Variants in GSPT1 observed in about 807,000 individuals in gnomAD.
The protein encoded by GSPT1 is eukaryotic peptide chain release factor GTP-binding subunit ERF3A.
A neutral mutation model predicts 72.5 loss-of-function variants in GSPT1; 20 were observed. That is an observed-to-expected ratio of 0.28 (90% CI 0.19 to 0.40). The LOEUF (loss-of-function observed/expected upper bound fraction) is 0.40, where lower values mean the gene tolerates loss of function less well. GSPT1 is among the 10% of genes least tolerant of loss of function. The pLI is 1.00. For synonymous variants in GSPT1, 334 were observed against 293.5 expected, an observed-to-expected ratio of 1.14 and a Z score of -1.41; for missense variants, 580 against 811.9, an observed-to-expected ratio of 0.71 and a Z score of 3.47.
Position 11,912,285 on chromosome 16 carries a change from T to C in GSPT1, c.352+3084A>G, listed in dbSNP as rs1027272132. 3.1e-4 allele frequency among the ~76,000 whole-genome samples: 46 copies of C among 148,076 alleles called. 1 individual carries two copies. The highest frequency in any genetic ancestry group is 7.9e-4 in the East Asian group (4 of 5,048). ...ATTGCTTGAACCTGGGAGGAGGAGG[T>C]TGTAGTCAGCCGAGATCGTGCCATT... On this transcript the variant is annotated intron_variant, in intron 1 of 14. Transcript: ENST00000434724.
Position 11,915,900 on chromosome 16 carries a change from G to A in GSPT1, c.-180C>T. On this transcript the variant is annotated 5_prime_UTR_variant, in exon 1 of 15. Coordinates refer to ENST00000434724, the MANE Select transcript of GSPT1 (RefSeq NM_002094.4). Reference sequence around the variant, plus strand: ...GCTCCAGTCCCGACTCCACACTCGCGACGACGACAGAGGCGGCGGCGGCGG... The same window carrying A: ...GCTCCAGTCCCGACTCCACACTCGCAACGACGACAGAGGCGGCGGCGGCGG... 1.1e-6 allele frequency: 1 copy of A among 888,080 alleles called. No homozygotes were observed. The highest frequency in any genetic ancestry group is 1.9e-6 in the Non-Finnish European group (1 of 537,932). The allele number at this position is 888,080 out of a possible 1,614,324, so 55.0% of individuals were successfully genotyped here.
intron 1 of GSPT1, among the ~76,000 whole-genome samples, chr16:11,913,644 C>G (rs184080491): frequency 1.3e-5 from 2 of 152,088 alleles, no homozygotes; most frequent in Non-Finnish European, 2.9e-5. Flanking sequence ...GGTGGCTCCA[C>G]AGAAAGGAGG....
At chr16:11,916,216 G>A (rs1450450203), upstream of GSPT1, 3 of 344,552 alleles carry the variant, frequency 8.7e-6, no homozygotes, top group Non-Finnish European at 1.7e-5. Flanking sequence ...CCGGCTCCCG[G>A]CAGGCAACGC....
chr16:11,892,696 G>C (rs2054282434), intron 5 of GSPT1, among the ~76,000 whole-genome samples: 1 of 149,964 alleles, frequency 6.7e-6, no homozygotes, highest in Admixed American at 6.6e-5. Context: ...AGACGTGGTG[G>C]TGCATGCCTG....
In GSPT1 at chr16:11,877,545, A is replaced by G; in HGVS notation, c.1464T>C (p.Asp488=). 3 of 1,602,626 alleles carry G rather than the reference A, an allele frequency of 1.9e-6. No individual in the cohort carries two copies. The highest frequency in any genetic ancestry group is 2.5e-6 in the Non-Finnish European group (3 of 1,176,502). The part of the protein sequence containing the change: ...NVEVLGILSD[D]VETDTVAPGE... Reference sequence around the variant, plus strand: ...CTGGGGCTACGGTATCAGTCTCTACATCATCGGAAAGTATTCCAAGAACTT... The same window carrying G: ...CTGGGGCTACGGTATCAGTCTCTACGTCATCGGAAAGTATTCCAAGAACTT... The change falls in exon 12 of 15, where the codon GAT becomes GAC. Residue 488 remains aspartate, a synonymous_variant. Transcript: ENST00000434724. The surrounding 1 kb of genome is among the most constrained non-coding windows in gnomAD (Gnocchi z 4.0).
intron 11 of GSPT1, chr16:11,880,362 G>T (rs890282265): frequency 6.6e-6 from 1 of 152,152 alleles, no homozygotes; most frequent in African/African-American, 2.4e-5. Context: ...GATTATGTGG[G>T]AAATCTATGT....
At chr16:11,909,482 AG>A (rs1023633005) in intron 1 of GSPT1, among the ~76,000 whole-genome samples, 1 of 152,206 alleles carries the variant, frequency 6.6e-6, no homozygotes, top group Non-Finnish European at 1.5e-5. Flanking sequence ...TTTAAAACCA[AG>A]GGTAGAATGA....
chr16:11,887,311 C>T (rs2054197314), intron 7 of GSPT1, among the ~76,000 whole-genome samples: 1 of 152,042 alleles, frequency 6.6e-6, no homozygotes. Context: ...TAACGGTGGG[C>T]TTGGCATTTA....
intron 14 of GSPT1, among the ~76,000 whole-genome samples, chr16:11,875,146 G>T (rs962840970): frequency 2.0e-5 from 3 of 152,078 alleles, no homozygotes; most frequent in East Asian, 3.9e-4. Flanking sequence ...CCAAGATGGT[G>T]CCACTGCACT....
intron 1 of GSPT1, among the ~76,000 whole-genome samples, chr16:11,906,813 T>C (rs2054495879): frequency 1.3e-5 from 2 of 152,188 alleles, no homozygotes; most frequent in Non-Finnish European, 2.9e-5. Context: ...ACTTATCTGG[T>C]AAGATCACAT....
chr16:11,894,856 C>T, intron 5 of GSPT1, 98 bp downstream of exon 5: 1 of 705,576 alleles, frequency 1.4e-6, no homozygotes. Flanking sequence ...TTTGGGGGAC[C>T]TGTTTTATCT....
chr16:11,882,975 A>G, intron 11 of GSPT1, 40 bp downstream of exon 11: 1 of 1,334,892 alleles, frequency 7.5e-7, no homozygotes, highest in Non-Finnish European at 1.1e-6. Flanking sequence ...AAAGAAAAAA[A>G]ATCAATAAAT....
intron 6 of GSPT1, among the ~76,000 whole-genome samples, chr16:11,889,099 G>A (rs1464818980): frequency 3.3e-5 from 5 of 152,034 alleles, no homozygotes; most frequent in African/African-American, 4.8e-5. Flanking sequence ...ACAAGGTCAG[G>A]AGATTGAGAC....
chr16:11,868,359 G>GTTT lies in GSPT1; in HGVS notation c.*4757_*4759dup, dbSNP rs776799904. On this transcript the variant is annotated 3_prime_UTR_variant, in exon 15 of 15. Transcript: ENST00000434724. ...AACCTGATCAGTTCCCTTTAATCCTGTTTTTTTTTTTTTTTTTTAAATGAG... is the reference window on the plus strand; with the variant it reads ...AACCTGATCAGTTCCCTTTAATCCTGTTTTTTTTTTTTTTTTTTTTTAAATGAG... The GTTT allele has an allele frequency of 8.0e-3, 1,111 of 138,376 alleles. 12 individuals are homozygous for GTTT. Among genetic ancestry groups the GTTT allele is most frequent in the African/African-American group, 0.021 (796 of 37,422 alleles). The allele number at this position is 138,376 out of a possible 1,614,324, so 8.6% of individuals were successfully genotyped here. A position where few individuals can be genotyped will look rare whatever the true frequency, so the allele number is the denominator to read the frequency against.
At chr16:11,894,901 A>C in intron 5 of GSPT1, 53 bp downstream of exon 5, 1 of 1,175,612 alleles carries the variant, frequency 8.5e-7, no homozygotes, top group East Asian at 2.5e-5. Context: ...TACAATGCCT[A>C]AAATTCATTA....
chr16:11,875,286 C>A (rs2054033824), intron 14 of GSPT1, among the ~76,000 whole-genome samples: 1 of 152,116 alleles, frequency 6.6e-6, no homozygotes. Flanking sequence ...TCATAACAAT[C>A]ATTTTGTTTT....
chr16:11,914,845 G>C, intron 1 of GSPT1: 1 of 416,858 alleles, frequency 2.4e-6, no homozygotes, highest in South Asian at 2.0e-5. Context: ...CTTCAGGACG[G>C]TTGGGGGCCA....
At chr16:11,913,202 C>A (rs1306266867) in intron 1 of GSPT1, among the ~76,000 whole-genome samples, 1 of 152,194 alleles carries the variant, frequency 6.6e-6, no homozygotes. Context: ...ACTTAATAGT[C>A]TGGAACATGC....
Position 11,907,887 on chromosome 16 carries a change from C to T in GSPT1, c.352+7482G>A, listed in dbSNP as rs538768007. Among the ~76,000 whole-genome samples the T allele has an allele frequency of 3.1e-4, 47 of 152,328 alleles. No individual in the cohort carries two copies. In the South Asian group the frequency reaches 9.7e-3, roughly 32 times the overall value. On this transcript the variant is annotated intron_variant, in intron 1 of 14. Coordinates refer to ENST00000434724, the MANE Select transcript of GSPT1 (RefSeq NM_002094.4). ...GACTTTGCATAGAGTAACTAAAATT[C>T]CATTATGTTTTTCAAACAACCCTGA...
Sources: allele counts gnomAD v4.1 joint callset (sites outside exome capture counted in the v4.1 genomes callset), GRCh38; gene constraint gnomAD v4.1.1; non-coding constraint Gnocchi (gnomAD v3.1); transcripts MANE v1.5; gene names NCBI Gene and HGNC (gene_info 2026-07-23, HGNC 2026-07-21).